Variants in SHISA6 observed in about 807,000 individuals in gnomAD.
SHISA6 encodes the protein protein shisa-6.
Under a neutral mutation model 47.9 loss-of-function variants are expected in SHISA6, and 22 were observed. The observed-to-expected ratio is 0.46, with a 90% CI of 0.33 to 0.66. The LOEUF is 0.66. SHISA6 is among the 30% of genes least tolerant of loss of function. SHISA6 has a pLI of 0.02. For missense variants in SHISA6, 680 were observed against 764.6 expected, an observed-to-expected ratio of 0.89 and a Z score of 1.30; for synonymous variants, 388 against 337.8, an observed-to-expected ratio of 1.15 and a Z score of -1.63.
intron 2 of SHISA6, among the ~76,000 whole-genome samples, chr17:11,305,243 CT>C (rs1910069739): frequency 1.3e-5 from 2 of 152,200 alleles, no homozygotes; most frequent in Non-Finnish European, 2.9e-5. Flanking sequence ...CATGAAGCAC[CT>C]AGGACATTGT....
At chr17:11,255,090 G>A (rs1173971516) in intron 1 of SHISA6, among the ~76,000 whole-genome samples, 1 of 152,244 alleles carries the variant, frequency 6.6e-6, no homozygotes, top group Non-Finnish European at 1.5e-5. Flanking sequence ...CAGGACAGGA[G>A]TGTTTGCCTG....
chr17:11,523,063 G>T (rs1482642679), intron 3 of SHISA6, among the ~76,000 whole-genome samples: 2 of 152,094 alleles, frequency 1.3e-5, no homozygotes, highest in Admixed American at 1.3e-4. Flanking sequence ...CAGATGTTTA[G>T]TCTTGTTTCA....
chr17:11,472,056 T>G (rs1915946257), intron 3 of SHISA6, among the ~76,000 whole-genome samples: 1 of 152,180 alleles, frequency 6.6e-6, no homozygotes, highest in African/African-American at 2.4e-5. Context: ...ATCTGAGTAT[T>G]CTTACTGCCC....
At chr17:11,253,209 T>C (rs6503365) in intron 1 of SHISA6, among the ~76,000 whole-genome samples, 149,409 of 152,204 alleles carry the variant, frequency 0.98, 73,377 homozygotes, top group East Asian at 1. Context: ...CTCCCCTCTC[T>C]GTCCGACTTG....
At chr17:11,407,331 G>C (rs12942102) in intron 3 of SHISA6, among the ~76,000 whole-genome samples, 73,815 of 151,526 alleles carry the variant, frequency 0.49, 18,528 homozygotes, top group Middle Eastern at 0.55. Flanking sequence ...GTTCCCCATC[G>C]CTGTGGGGAA....
chr17:11,400,362 A>G (rs1042973262), intron 3 of SHISA6, among the ~76,000 whole-genome samples: 1 of 152,106 alleles, frequency 6.6e-6, no homozygotes. Context: ...AGTCATTAAC[A>G]TTGTTTTTCT....
chr17:11,326,020 C>T (rs752565660), intron 2 of SHISA6, among the ~76,000 whole-genome samples: 1 of 152,198 alleles, frequency 6.6e-6, no homozygotes, highest in Non-Finnish European at 1.5e-5. Context: ...CCTGTAATCC[C>T]AGCAGTTTGG....
intron 3 of SHISA6, among the ~76,000 whole-genome samples, chr17:11,397,022 C>T (rs1024616893): frequency 2.6e-5 from 4 of 152,082 alleles, no homozygotes; most frequent in African/African-American, 4.8e-5. Flanking sequence ...ATGAAACCAT[C>T]GGGGCCTAGA....
chr17:11,373,079 T>G (rs183193101), intron 2 of SHISA6, among the ~76,000 whole-genome samples: 1 of 151,960 alleles, frequency 6.6e-6, no homozygotes, highest in Admixed American at 6.6e-5. Context: ...TGCCAATCTT[T>G]TCTTAATGAA....
chr17:11,296,405 C>T (rs1909752598), intron 2 of SHISA6, among the ~76,000 whole-genome samples: 1 of 152,082 alleles, frequency 6.6e-6, no homozygotes, highest in Non-Finnish European at 1.5e-5. Flanking sequence ...GATTTCAAGG[C>T]AAAACCAGTG....
chr17:11,558,338 C>A lies in SHISA6; in HGVS notation c.*34C>A. ...GCAGGGCCGGGGCTGCTGGGCGTGGCAGAGCAGAGCGGGGGCCGGGAGGGG... is the reference window on the plus strand; with the variant it reads ...GCAGGGCCGGGGCTGCTGGGCGTGGAAGAGCAGAGCGGGGGCCGGGAGGGG... On this transcript the variant is annotated 3_prime_UTR_variant, in exon 6 of 6. Transcript: ENST00000441885. The A allele has an allele frequency of 6.6e-7, 1 of 1,524,216 alleles. No individual in the cohort carries two copies. The highest frequency in any genetic ancestry group is 1.2e-5 in the South Asian group (1 of 81,744). The allele number at this position is 1,524,216 out of a possible 1,614,324, so 94.4% of individuals were successfully genotyped here.
At chr17:11,519,564 G>C (rs2071611686) in intron 3 of SHISA6, among the ~76,000 whole-genome samples, 1 of 151,488 alleles carries the variant, frequency 6.6e-6, no homozygotes, top group African/African-American at 2.4e-5. Flanking sequence ...TCTGGAGACG[G>C]AGGGTGGTAA....
chr17:11,548,101 T>C (rs9909274), intron 3 of SHISA6, among the ~76,000 whole-genome samples: 2,842 of 152,270 alleles, frequency 0.019, 93 homozygotes, highest in African/African-American at 0.063. Flanking sequence ...CTACGCAACA[T>C]TCGGCAAAAT....
chr17:11,338,175 A>G (rs1338994276), intron 2 of SHISA6, among the ~76,000 whole-genome samples: 2 of 152,178 alleles, frequency 1.3e-5, no homozygotes, highest in African/African-American at 2.4e-5. Context: ...CCTCATGTTC[A>G]GCAGCTGCAC....
chr17:11,418,485 T>A (rs1225154023), intron 3 of SHISA6, among the ~76,000 whole-genome samples: 1 of 152,168 alleles, frequency 6.6e-6, no homozygotes, highest in Non-Finnish European at 1.5e-5. Flanking sequence ...TTGGCTTGAT[T>A]CCTAGCTTCA....
At chr17:11,374,494 T>C (rs1912727602) in intron 2 of SHISA6, among the ~76,000 whole-genome samples, 1 of 151,654 alleles carries the variant, frequency 6.6e-6, no homozygotes, top group South Asian at 2.1e-4. Flanking sequence ...TTCTTAGTCC[T>C]TGACTTGATT....
intron 2 of SHISA6, among the ~76,000 whole-genome samples, chr17:11,373,488 T>C (rs1912694400): frequency 1.3e-5 from 2 of 152,236 alleles, no homozygotes. Flanking sequence ...ATACTTTTTC[T>C]CAATTACATT....
In SHISA6 at chr17:11,561,030, G is replaced by A. The variant is rs2072038481; in HGVS notation, c.*2726G>A. Reference sequence around the variant, plus strand: ...AAATCCAGAAAACTATGTCATAGCTGGGACAGAGAGGTATCCCATTTATTC... The same window carrying A: ...AAATCCAGAAAACTATGTCATAGCTAGGACAGAGAGGTATCCCATTTATTC... On this transcript the variant is annotated 3_prime_UTR_variant, in exon 6 of 6. Transcript: ENST00000441885. 6.6e-6 allele frequency: 1 copy of A among 152,140 alleles called. No individual in the cohort carries two copies. Among genetic ancestry groups the A allele is most frequent in the African/African-American group, 2.4e-5 (1 of 41,418 alleles). The allele number at this position is 152,140 out of a possible 1,614,324, so 9.4% of individuals were successfully genotyped here.
chr17:11,301,959 G>T (rs1485265182), intron 2 of SHISA6, among the ~76,000 whole-genome samples: 4 of 152,140 alleles, frequency 2.6e-5, no homozygotes, highest in Non-Finnish European at 5.9e-5. Flanking sequence ...ATGGTGGGAG[G>T]CAAAAGGCAC....
Sources: gnomAD v4.1 joint callset for allele counts (sites outside exome capture counted in the v4.1 genomes callset) on GRCh38, gnomAD v4.1.1 for gene constraint, MANE v1.5 for transcripts, NCBI Gene and HGNC (gene_info 2026-07-23, HGNC 2026-07-21) for gene names.